The following LRRIQ1 variants were observed in gnomAD, a reference collection of about 807,000 sequenced individuals.
LRRIQ1 encodes leucine rich repeats and IQ motif containing 1, also known as leucine-rich repeat- and IQ domain-containing protein 1.
A neutral mutation model predicts 211.9 loss-of-function variants in LRRIQ1; 210 were observed. That is an observed-to-expected ratio of 0.99 (90% CI 0.89 to 1.11). The LOEUF (loss-of-function observed/expected upper bound fraction) is 1.11. Ranked by LOEUF, LRRIQ1 falls within the 50% of genes most tolerant of loss-of-function variation. The pLI is 0.00. For missense variants in LRRIQ1, 2,136 were observed against 1,939.5 expected, an observed-to-expected ratio of 1.10 and a Z score of -1.90; for synonymous variants, 699 against 650.1, an observed-to-expected ratio of 1.08 and a Z score of -1.14.
chr12:85,106,209 A>G (rs942316742), intron 14 of LRRIQ1, among the ~76,000 whole-genome samples: 3 of 152,156 alleles, frequency 2.0e-5, no homozygotes, highest in African/African-American at 7.2e-5. Flanking sequence ...TGTGCTTACA[A>G]TCTGTCACAA....
In LRRIQ1 at chr12:85,098,987, C is replaced by T. The variant is rs1203920870; in HGVS notation, c.3202C>T (p.Gln1068Ter). 1 of 1,550,314 alleles carries T rather than the reference C, an allele frequency of 6.5e-7. No individual in the cohort carries two copies. Among genetic ancestry groups the T allele is most frequent in the East Asian group, 2.4e-5 (1 of 41,752 alleles). Residue 1068 changes from glutamine to a stop codon, truncating the protein, a stop_gained, in exon 13 of 27, where the codon CAA becomes TAA. Coordinates refer to ENST00000393217, the MANE Select transcript of LRRIQ1 (RefSeq NM_001079910.2). LOFTEE classifies it high-confidence loss of function. ...LPLLQNITIS[Q>*]NSLTKIVPLF... ...TTTACTACAAAATATTACTATCTCT[C>T]AAAACAGGTAAAAGCATACTTAAGA...
intron 24 of LRRIQ1, among the ~76,000 whole-genome samples, chr12:85,207,542 C>T (rs948542757): frequency 2.6e-5 from 4 of 152,086 alleles, no homozygotes; most frequent in African/African-American, 9.7e-5. Context: ...TCTGAATTAT[C>T]AATCATTTTT....
intron 26 of LRRIQ1, among the ~76,000 whole-genome samples, chr12:85,240,162 T>A (rs527257527): frequency 6.6e-6 from 1 of 152,186 alleles, no homozygotes; most frequent in East Asian, 1.9e-4. Flanking sequence ...AAATGAAAAG[T>A]CAAACCACAT....
In LRRIQ1 at chr12:85,200,992, C is replaced by CT. The variant is rs112924533; in HGVS notation, c.4823-28515dup. Among the ~76,000 whole-genome samples, 497 of 146,658 alleles carry CT rather than the reference C, an allele frequency of 3.4e-3. 1 individual carries two copies. The highest frequency in any genetic ancestry group is 7.0e-3 in the South Asian group (32 of 4,588). On this transcript the variant is annotated intron_variant, in intron 24 of 26. Transcript: ENST00000393217. ...ACGCCACCATTCCTGGCTAATTTTT[C>CT]TTTTTTTTTTGTATTTTTAGTATAG...
At chr12:85,251,790 A>AAAC (rs397938641) in intron 1 of LRRIQ1, among the ~76,000 whole-genome samples, 4 of 151,652 alleles carry the variant, frequency 2.6e-5, no homozygotes, top group African/African-American at 9.7e-5. Flanking sequence ...AAAAAAAAAA[A>AAAC]CAGATATAGA....
intron 24 of LRRIQ1, among the ~76,000 whole-genome samples, chr12:85,214,480 T>C (rs1565907699): frequency 6.6e-6 from 1 of 152,132 alleles, no homozygotes; most frequent in East Asian, 1.9e-4. Flanking sequence ...AGACAGTGAA[T>C]ATCATGTGAT....
At chr12:85,253,574 G>A (rs1896008717) in intron 1 of LRRIQ1, among the ~76,000 whole-genome samples, 1 of 151,934 alleles carries the variant, frequency 6.6e-6, no homozygotes, top group African/African-American at 2.4e-5. Context: ...TCTCATTAAA[G>A]GAAGAGAAAA....
chr12:85,124,129 T>C lies in LRRIQ1; in HGVS notation c.3617T>C (p.Ile1206Thr), dbSNP rs1482015553. The stretch of plus-strand genomic sequence containing the variant: ...TGTCATTATTTTAAGAAATTGATGA[T>C]ACTTAGTACTGAATACCGACATGCA... ...NLCHYFKKLM[I>T]LSTEYRHAHE... The change falls in exon 17 of 27, where the codon ATA becomes ACA. Residue 1206 changes from isoleucine (I) to threonine (T), a missense_variant. Coordinates refer to ENST00000393217, the MANE Select transcript of LRRIQ1 (RefSeq NM_001079910.2). 1.4e-5 allele frequency: 22 copies of C among 1,613,868 alleles called. No homozygotes were observed. The highest frequency in any genetic ancestry group is 2.7e-5 in the African/African-American group (2 of 74,916).
At chr12:85,094,506 G>C (rs1047776582) in intron 11 of LRRIQ1, among the ~76,000 whole-genome samples, 10 of 151,980 alleles carry the variant, frequency 6.6e-5, no homozygotes, top group Admixed American at 3.3e-4. Flanking sequence ...TGCTATTTTG[G>C]TTACTATAGT....
downstream of LRRIQ1, among the ~76,000 whole-genome samples, chr12:85,264,617 A>G (rs538138969): frequency 1.3e-5 from 2 of 152,226 alleles, no homozygotes; most frequent in South Asian, 4.1e-4. Context: ...AATTTTAAAA[A>G]TTGGATAAAA....
At chr12:85,099,363 C>G (rs762945034) in intron 13 of LRRIQ1, among the ~76,000 whole-genome samples, 70 of 151,774 alleles carry the variant, frequency 4.6e-4, no homozygotes, top group Non-Finnish European at 9.4e-4. Flanking sequence ...TCAAATGGTA[C>G]TTATTAAGTC....
intron 24 of LRRIQ1, among the ~76,000 whole-genome samples, chr12:85,161,219 C>T (rs1338416901): frequency 6.6e-6 from 1 of 151,982 alleles, no homozygotes; most frequent in South Asian, 2.1e-4. Flanking sequence ...CTGATTATAT[C>T]TCTGATTTCA....
At chr12:85,127,490 A>T (rs1397236512) in intron 17 of LRRIQ1, among the ~76,000 whole-genome samples, 1 of 152,090 alleles carries the variant, frequency 6.6e-6, no homozygotes, top group African/African-American at 2.4e-5. Context: ...TGGCTCCTAC[A>T]TTTGTCCTCT....
At chr12:85,128,054 A>G (rs1888505389) in intron 18 of LRRIQ1, 21 bp downstream of exon 18, 2 of 1,527,410 alleles carry the variant, frequency 1.3e-6, no homozygotes, top group African/African-American at 2.7e-5. Flanking sequence ...ATCTTTTGGT[A>G]ACATAGTTAC....
At chr12:85,118,763 T>A (rs1306866294) in intron 15 of LRRIQ1, among the ~76,000 whole-genome samples, 3 of 152,182 alleles carry the variant, frequency 2.0e-5, no homozygotes, top group Admixed American at 6.5e-5. Flanking sequence ...GAGATCTGCC[T>A]GAAGTTTTAT....
chr12:85,043,884 G>T (rs1879212375), intron 3 of LRRIQ1, among the ~76,000 whole-genome samples: 1 of 151,920 alleles, frequency 6.6e-6, no homozygotes, highest in African/African-American at 2.4e-5. Context: ...CTGGCTCATA[G>T]AAATTAAAAC....
chr12:85,174,699 C>A (rs1267000732), intron 24 of LRRIQ1, among the ~76,000 whole-genome samples: 1 of 23,458 alleles, frequency 4.3e-5, no homozygotes, highest in Non-Finnish European at 6.8e-5. Flanking sequence ...AAGAGTACAG[C>A]TCAAAAAAAA....
At chr12:85,051,788 A>G (rs981587708) in intron 6 of LRRIQ1, among the ~76,000 whole-genome samples, 9 of 152,160 alleles carry the variant, frequency 5.9e-5, no homozygotes, top group African/African-American at 1.9e-4. Flanking sequence ...ACCATCACTT[A>G]CTGAACTGAT....
chr12:85,223,412 T>G (rs1017938794), intron 24 of LRRIQ1, among the ~76,000 whole-genome samples: 2 of 152,196 alleles, frequency 1.3e-5, no homozygotes, highest in African/African-American at 4.8e-5. Flanking sequence ...GGAAGTGGTC[T>G]GGAATCCAGC....
Sources: allele counts gnomAD v4.1 joint callset (sites outside exome capture counted in the v4.1 genomes callset), GRCh38; gene constraint gnomAD v4.1.1; transcripts MANE v1.5; gene names NCBI Gene and HGNC (gene_info 2026-07-23, HGNC 2026-07-21).